The following LPCAT3 variants were observed in gnomAD, a reference collection of about 807,000 sequenced individuals.
The protein encoded by LPCAT3 is lysophosphatidylcholine acyltransferase 3, also known as lysophospholipid acyltransferase 5.
In LPCAT3, 21 loss-of-function variants were observed where a neutral mutation model predicts 63.4. The ratio of observed to expected loss-of-function variants is 0.33; its 90% CI spans 0.23 to 0.48. The LOEUF (loss-of-function observed/expected upper bound fraction) is 0.48. LPCAT3 is among the 20% of genes least tolerant of loss of function. The probability of loss-of-function intolerance (pLI) is 0.99; values close to 1 mark genes in which losing one functional copy is unlikely to be tolerated. For missense variants in LPCAT3, 451 were observed against 590.6 expected (o/e 0.76, Z 2.45); for synonymous variants, 242 against 227.5 (o/e 1.06, Z -0.58).
chr12:6,982,808 C>T, intron 2 of LPCAT3, 26 bp from the exon 3 acceptor site: 1 of 1,533,836 alleles, frequency 6.5e-7, no homozygotes, highest in Non-Finnish European at 9.0e-7. Flanking sequence ...GAGAATTTAG[C>T]CTGGTTTTTA....
rs200946438 is a variant in LPCAT3, at chr12:7,003,079, AT to A, written c.151+15194del. 1.5e-3 allele frequency among the ~76,000 whole-genome samples: 235 copies of A among 152,190 alleles called. 2 individuals are homozygous for A. Among genetic ancestry groups the A allele is most frequent in the African/African-American group, 5.5e-3 (228 of 41,540 alleles). The stretch of plus-strand genomic sequence containing the variant: ...TTATATACCAACATACATTTGTAGC[AT>A]TTTTTTTCCTTCAGAGTATGAAGAA... On this transcript the variant is annotated intron_variant, in intron 1 of 12. Coordinates refer to ENST00000261407, the MANE Select transcript of LPCAT3 (RefSeq NM_005768.6).
intron 1 of LPCAT3, among the ~76,000 whole-genome samples, chr12:7,008,503 G>A (rs1334645015): frequency 1.3e-5 from 2 of 152,120 alleles, no homozygotes; most frequent in Non-Finnish European, 2.9e-5. Context: ...ATTAAGAAAC[G>A]TAAGGAGATC....
At position 7,013,589 on chromosome 12, in the gene LPCAT3, C is replaced by T. The variant is rs141755988; in HGVS notation, c.151+4685G>A. Among the ~76,000 whole-genome samples the T allele has an allele frequency of 6.0e-3, 916 of 152,228 alleles. 5 individuals carry two copies. The highest frequency in any genetic ancestry group is 7.9e-3 in the Non-Finnish European group (536 of 68,006). On this transcript the variant is annotated intron_variant, in intron 1 of 12. Coordinates refer to ENST00000261407, the MANE Select transcript of LPCAT3 (RefSeq NM_005768.6). The stretch of plus-strand genomic sequence containing the variant: ...GATGTGGGGAGTGAGTGAAGAAAGG[C>T]AACAAAGCTGATTCTTGGGTTTCAG...
intron 1 of LPCAT3, among the ~76,000 whole-genome samples, chr12:7,014,591 T>C (rs1171449333): frequency 6.6e-6 from 1 of 152,144 alleles, no homozygotes; most frequent in Non-Finnish European, 1.5e-5. Flanking sequence ...ATATTAAAAA[T>C]TGCAGCCTCG....
intron 7 of LPCAT3, chr12:6,979,183 C>T (rs902408262): frequency 4.9e-5 from 23 of 467,216 alleles, no homozygotes; most frequent in African/African-American, 3.9e-4. Context: ...AGCTGCTGTG[C>T]TCTGAGGGGT....
At position 6,977,579 on chromosome 12, in the gene LPCAT3, C is replaced by A. The variant is rs782468847; in HGVS notation, c.1188+19G>T. 1.1e-5 allele frequency: 17 copies of A among 1,614,024 alleles called. No individual in the cohort carries two copies. In the South Asian group the frequency reaches 1.9e-4, roughly 18 times the overall value. On this transcript the variant is annotated intron_variant, in intron 10 of 12. Transcript: ENST00000261407. The surrounding 1 kb of genome is among the most constrained non-coding windows in gnomAD (Gnocchi z 4.5). ...TCTTGTCCCTTATATTCCCCTTCACCCCCACCCTGGAGGCCTACCTGTCTT... is the reference window on the plus strand; with the variant it reads ...TCTTGTCCCTTATATTCCCCTTCACACCCACCCTGGAGGCCTACCTGTCTT...
chr12:7,000,895 G>T (rs1326750870), intron 1 of LPCAT3, among the ~76,000 whole-genome samples: 1 of 151,944 alleles, frequency 6.6e-6, no homozygotes, highest in Non-Finnish European at 1.5e-5. Flanking sequence ...TTTTAGTGGA[G>T]ACGGGGTTTC....
At chr12:6,981,726 G>A in intron 4 of LPCAT3, 85 bp downstream of exon 4, 1 of 1,411,346 alleles carries the variant, frequency 7.1e-7, no homozygotes, top group East Asian at 2.3e-5. Flanking sequence ...TATGGCGGGG[G>A]GCGGAGGGGG....
intron 1 of LPCAT3, among the ~76,000 whole-genome samples, chr12:7,010,754 C>T (rs782242817): frequency 7.9e-5 from 12 of 151,932 alleles, no homozygotes; most frequent in South Asian, 2.1e-4. Context: ...ACATGTTTAA[C>T]GATAAAGTTA....
rs781917826 is a variant in LPCAT3 at position 7,007,791 on chromosome 12, G to A, written c.151+10483C>T. ...ATTACAGGCATGAGCCACTGTGCCC[G>A]GCCATGACAAAAGCTTTTTATTTTT... On this transcript the variant is annotated intron_variant, in intron 1 of 12. Coordinates refer to ENST00000261407, the MANE Select transcript of LPCAT3 (RefSeq NM_005768.6). Among the ~76,000 whole-genome samples the A allele has an allele frequency of 2.0e-5, 3 of 152,186 alleles. No homozygotes were observed. In the East Asian group the frequency reaches 5.8e-4, roughly 29 times the overall value.
chr12:7,001,409 A>G (rs183033375), intron 1 of LPCAT3: 49 of 456,064 alleles, frequency 1.1e-4, no homozygotes, highest in African/African-American at 9.2e-4. Flanking sequence ...CCACCACCCC[A>G]ACAAAATTAG....
At chr12:7,001,622 C>T in intron 1 of LPCAT3, 1 of 413,976 alleles carries the variant, frequency 2.4e-6, no homozygotes, top group South Asian at 1.7e-5. Context: ...GACAGGTAGG[C>T]AGAGTTGGCT....
chr12:7,018,406 C>A lies in LPCAT3; in HGVS notation c.19G>T (p.Gly7Trp), dbSNP rs782258153. 6 of 1,609,454 alleles carry A rather than the reference C, an allele frequency of 3.7e-6. No individual in the cohort carries two copies. The highest frequency in any genetic ancestry group is 5.1e-6 in the Non-Finnish European group (6 of 1,177,636). The change falls in exon 1 of 13, where the codon GGG (glycine) becomes TGG (tryptophan). Residue 7 changes from glycine to tryptophan, a missense_variant. Gly to Trp is a radical substitution (Grantham distance 184). Coordinates refer to ENST00000261407, the MANE Select transcript of LPCAT3 (RefSeq NM_005768.6). This position sits in a 1 kb window ranked among gnomAD's most constrained non-coding sequence, Gnocchi z 4.9. ...AGCGCCACCACAGTCCCCTCGTCCC[C>A]CTCCGCTGAGGACGCCATCTTAACT... MASSAEGDEGTVVALAG... is the reference protein window; with the variant it reads MASSAEWDEGTVVALAG...
At chr12:7,003,164 G>A (rs1555156643) in intron 1 of LPCAT3, among the ~76,000 whole-genome samples, 1 of 152,030 alleles carries the variant, frequency 6.6e-6, no homozygotes, top group East Asian at 1.9e-4. Context: ...AGTCCTATGT[G>A]TCACTTTAAG....
chr12:7,015,824 A>G (rs936845962), intron 1 of LPCAT3, among the ~76,000 whole-genome samples: 7 of 152,122 alleles, frequency 4.6e-5, no homozygotes, highest in Non-Finnish European at 1.0e-4. Flanking sequence ...ATGAGAGAAG[A>G]GGAGTGGGAT....
At chr12:6,998,865 A>G (rs1202776206) in intron 1 of LPCAT3, among the ~76,000 whole-genome samples, 1 of 152,204 alleles carries the variant, frequency 6.6e-6, no homozygotes, top group Non-Finnish European at 1.5e-5. Context: ...CAAACCCTTC[A>G]TTAGGTAGAT....
intron 1 of LPCAT3, among the ~76,000 whole-genome samples, chr12:7,002,986 GC>G: frequency 6.6e-6 from 1 of 152,034 alleles, no homozygotes; most frequent in East Asian, 1.9e-4. Context: ...TCCAGCCTGG[GC>G]GAAAGAGTGA....
intron 1 of LPCAT3, among the ~76,000 whole-genome samples, chr12:6,993,047 G>A (rs1555155693): frequency 1.3e-5 from 2 of 152,012 alleles, no homozygotes; most frequent in African/African-American, 4.8e-5. Context: ...AAATATGGAG[G>A]GCTGACTATA....
In LPCAT3 at chr12:7,017,722, T is replaced by TA. The variant is rs781998819; in HGVS notation, c.151+551dup. On this transcript the variant is annotated intron_variant, in intron 1 of 12. Transcript: ENST00000261407. The surrounding 1 kb of genome is among the most constrained non-coding windows in gnomAD (Gnocchi z 4.1). ...AATGACAGGTAGGTGGCTTGGAAAATAAAAAAAGCAACATGGTATAAAAAG... is the reference window on the plus strand; with the variant it reads ...AATGACAGGTAGGTGGCTTGGAAAATAAAAAAAAGCAACATGGTATAAAAAG... 4.0e-5 allele frequency among the ~76,000 whole-genome samples: 6 copies of TA among 150,974 alleles called. No individual in the cohort carries two copies. Among genetic ancestry groups the TA allele is most frequent in the Non-Finnish European group, 5.9e-5 (4 of 67,758 alleles).
Sources: allele counts gnomAD v4.1 joint callset (sites outside exome capture counted in the v4.1 genomes callset), GRCh38; gene constraint gnomAD v4.1.1; non-coding constraint Gnocchi (gnomAD v3.1); transcripts MANE v1.5; gene names NCBI Gene and HGNC (gene_info 2026-07-23, HGNC 2026-07-21).